The following MXD4 variants were observed in gnomAD, a reference collection of about 807,000 sequenced individuals.
MXD4 encodes the protein MAX dimerization protein 4.
A neutral mutation model predicts 24.5 loss-of-function variants in MXD4; 16 were observed. The observed-to-expected ratio is 0.65, with a 90% CI of 0.44 to 0.99. The LOEUF (loss-of-function observed/expected upper bound fraction) is 0.99, where lower values mean the gene tolerates loss of function less well. Among genes scored for constraint, MXD4 ranks in the 50% least tolerant of loss-of-function variants. The pLI is 0.00. For synonymous variants in MXD4, 164 were observed against 134.2 expected, an observed-to-expected ratio of 1.22 and a Z score of -1.54; for missense variants, 301 against 301.5, an observed-to-expected ratio of 1.00 and a Z score of 0.01.
intron 3 of MXD4, among the ~76,000 whole-genome samples, chr4:2,256,346 C>A (rs1422234301): frequency 6.6e-6 from 1 of 152,208 alleles, no homozygotes; most frequent in Non-Finnish European, 1.5e-5. Context: ...CTCAGAGCAC[C>A]CACAGGGGAA....
At chr4:2,257,111 G>A (rs762828543) in intron 3 of MXD4, among the ~76,000 whole-genome samples, 28 of 152,212 alleles carry the variant, frequency 1.8e-4, no homozygotes, top group Non-Finnish European at 3.2e-4. Context: ...CCCAGCCAGC[G>A]GCCTGAATCC....
In MXD4 at chr4:2,250,421, G is replaced by A; in HGVS notation, c.*123C>T. 3.2e-6 allele frequency: 4 copies of A among 1,269,824 alleles called. No individual in the cohort carries two copies. The highest frequency in any genetic ancestry group is 4.2e-6 in the Non-Finnish European group (4 of 949,338). 78.7% of individuals were successfully genotyped at this position (1,269,824 alleles called of 1,614,324 possible). A position where few individuals can be genotyped will look rare whatever the true frequency, so the allele number is the denominator to read the frequency against. Reference sequence around the variant, plus strand: ...GGCAGTGCCAGGCAGCCCAGCAGCAGCTGGAGCTTCCAGAATGGCACAGCA... The same window carrying A: ...GGCAGTGCCAGGCAGCCCAGCAGCAACTGGAGCTTCCAGAATGGCACAGCA... On this transcript the variant is annotated 3_prime_UTR_variant, in exon 6 of 6. Coordinates refer to ENST00000337190, the MANE Select transcript of MXD4 (RefSeq NM_006454.3).
intron 3 of MXD4, among the ~76,000 whole-genome samples, chr4:2,256,896 G>C (rs571987803): frequency 6.6e-6 from 1 of 151,218 alleles, no homozygotes; most frequent in African/African-American, 2.4e-5. Context: ...ACACCCCCAC[G>C]TGCCTGCCCC....
rs754570046 is a variant in MXD4 at position 2,257,207 on chromosome 4, G to C, written c.194+775C>G. The stretch of plus-strand genomic sequence containing the variant: ...CCGAGCACCAAATCTTTCTGGAGGG[G>C]ACTGTGGGGGGCTCAAGCAGCACGC... On this transcript the variant is annotated intron_variant, in intron 3 of 5. Coordinates refer to ENST00000337190, the MANE Select transcript of MXD4 (RefSeq NM_006454.3). 9.1e-4 allele frequency among the ~76,000 whole-genome samples: 139 copies of C among 152,220 alleles called. 2 individuals are homozygous for C. Among genetic ancestry groups the C allele is most frequent in the Admixed American group, 2.0e-4 (3 of 15,292 alleles).
chr4:2,262,040 C>A lies in MXD4; in HGVS notation c.-60G>T. On this transcript the variant is annotated 5_prime_UTR_variant, in exon 1 of 6. Coordinates refer to ENST00000337190, the MANE Select transcript of MXD4 (RefSeq NM_006454.3). ...GCGGCCGCTGCCCGGCCCGCTCCGG[C>A]CGGCTCCGCTCGCCGCCCACCCCGC... 2.1e-6 allele frequency: 2 copies of A among 958,428 alleles called. No homozygotes were observed. The highest frequency in any genetic ancestry group is 1.8e-5 in the African/African-American group (1 of 56,604). The allele number at this position is 958,428 out of a possible 1,614,324, so 59.4% of individuals were successfully genotyped here.
rs980945440 is a variant in MXD4 at position 2,247,942 on chromosome 4, C to T, written c.*2602G>A. On this transcript the variant is annotated 3_prime_UTR_variant, in exon 6 of 6. Transcript: ENST00000337190. The stretch of plus-strand genomic sequence containing the variant: ...ATGCGGGAGCTGCCTTCCAATAAGG[C>T]TGGGGAACCCAAGCCTGAGTCTGGG... 1 of 152,462 alleles carries T rather than the reference C, an allele frequency of 6.6e-6. No homozygotes were observed. The highest frequency in any genetic ancestry group is 6.5e-5 in the Admixed American group (1 of 15,292). 9.4% of individuals were successfully genotyped at this position (152,462 alleles called of 1,614,324 possible). A position where few individuals can be genotyped will look rare whatever the true frequency, so the allele number is the denominator to read the frequency against.
In MXD4 at chr4:2,261,738, C is replaced by T. The variant is rs1577826358; in HGVS notation, c.151G>A (p.Ala51Thr). 2 of 1,413,050 alleles carry T rather than the reference C, an allele frequency of 1.4e-6. No individual in the cohort carries two copies. Among genetic ancestry groups the T allele is most frequent in the Non-Finnish European group, 1.9e-6 (2 of 1,075,952 alleles). The allele number at this position is 1,413,050 out of a possible 1,614,324, so 87.5% of individuals were successfully genotyped here. Reference protein sequence around the residue: ...KTKAAGLVRKAPNNRSSHNEL... With the variant: ...KTKAAGLVRKTPNNRSSHNEL... Reference sequence around the variant, plus strand: ...GGGGGGCGGTACCTGTTGTTCGGGGCCTTGCGCACCAGGCCGGCCGCCTTT... The same window carrying T: ...GGGGGGCGGTACCTGTTGTTCGGGGTCTTGCGCACCAGGCCGGCCGCCTTT... Residue 51 changes from alanine (A) to threonine (T), a missense_variant, in exon 2 of 6, where the codon GCC becomes ACC. Coordinates refer to ENST00000337190, the MANE Select transcript of MXD4 (RefSeq NM_006454.3).
intron 2 of MXD4, among the ~76,000 whole-genome samples, chr4:2,259,854 C>A (rs996656501): frequency 1.1e-4 from 16 of 152,164 alleles, no homozygotes; most frequent in African/African-American, 3.4e-4. Flanking sequence ...CAGAATGGAC[C>A]CCCCTGCAGG....
chr4:2,252,344 C>G, intron 4 of MXD4, 64 bp downstream of exon 4: 3 of 1,366,806 alleles, frequency 2.2e-6, no homozygotes, highest in East Asian at 2.3e-5. Flanking sequence ...TGAGCACCCC[C>G]CCAGGGCGTG....
At chr4:2,255,769 AG>A in intron 3 of MXD4, among the ~76,000 whole-genome samples, 1 of 152,138 alleles carries the variant, frequency 6.6e-6, no homozygotes, top group Non-Finnish European at 1.5e-5. Flanking sequence ...TATCGACAGC[AG>A]CCCCACCTCT....
At position 2,261,836 on chromosome 4, in the gene MXD4, C is replaced by A; in HGVS notation, c.65-12G>T. On this transcript the variant is annotated splice_polypyrimidine_tract_variant and intron_variant, in intron 1 of 5. Coordinates refer to ENST00000337190, the MANE Select transcript of MXD4 (RefSeq NM_006454.3). ...GCCGTGCTCGGCCTCTGCGGACACA[C>A]GGCGCGGTCAGCGGCCCCCGCCCGG... 1 of 1,362,314 alleles carries A rather than the reference C, an allele frequency of 7.3e-7. No individual in the cohort carries two copies. 84.4% of individuals were successfully genotyped at this position (1,362,314 alleles called of 1,614,324 possible).
At chr4:2,256,948 C>T (rs1360239473) in intron 3 of MXD4, among the ~76,000 whole-genome samples, 2 of 152,184 alleles carry the variant, frequency 1.3e-5, no homozygotes, top group Non-Finnish European at 2.9e-5. Flanking sequence ...TCTTCTTAGG[C>T]CTGGAACAAT....
rs1735215262 is a variant in MXD4, at chr4:2,247,612, G to T, written c.*2932C>A. 6.6e-6 allele frequency: 1 copy of T among 152,224 alleles called. No individual in the cohort carries two copies. The highest frequency in any genetic ancestry group is 1.5e-5 in the Non-Finnish European group (1 of 68,040). 9.4% of individuals were successfully genotyped at this position (152,224 alleles called of 1,614,324 possible). A position where few individuals can be genotyped will look rare whatever the true frequency, so the allele number is the denominator to read the frequency against. ...TGCCCTAGTGCCCAACATGGACCTG[G>T]GGCCACCCTGCTGGCCGAGGGTCAG... is the stretch of plus-strand genomic sequence containing the variant. On this transcript the variant is annotated 3_prime_UTR_variant, in exon 6 of 6. Transcript: ENST00000337190.
intron 2 of MXD4, among the ~76,000 whole-genome samples, chr4:2,259,476 G>A (rs1472440569): frequency 1.3e-5 from 2 of 152,356 alleles, no homozygotes; most frequent in Non-Finnish European, 2.9e-5. Context: ...AGAATAGGCA[G>A]GCCGCAGGAA....
At chr4:2,259,945 G>A (rs960044860) in intron 2 of MXD4, among the ~76,000 whole-genome samples, 2 of 152,286 alleles carry the variant, frequency 1.3e-5, no homozygotes, top group South Asian at 2.1e-4. Flanking sequence ...CAGCCTCACT[G>A]TGCCATGTCC....
rs1458436925 is a variant in MXD4, at chr4:2,249,862, G to A, written c.*682C>T. 1 of 152,782 alleles carries A rather than the reference G, an allele frequency of 6.5e-6. No individual in the cohort carries two copies. Among genetic ancestry groups the A allele is most frequent in the Non-Finnish European group, 1.5e-5 (1 of 68,274 alleles). 9.5% of individuals were successfully genotyped at this position (152,782 alleles called of 1,614,324 possible). A position where few individuals can be genotyped will look rare whatever the true frequency, so the allele number is the denominator to read the frequency against. ...CATGTGTGAGCATGTACATGAGTGG[G>A]TGTGTCTAGGTGCGTGCGCGTGTGC... On this transcript the variant is annotated 3_prime_UTR_variant, in exon 6 of 6. Transcript: ENST00000337190.
intron 3 of MXD4, chr4:2,254,404 C>G (rs1735383484): frequency 6.6e-6 from 1 of 152,050 alleles, no homozygotes; most frequent in Admixed American, 6.5e-5. Flanking sequence ...AAACAAGGCA[C>G]AGGGAGCGTG....
At chr4:2,252,794 C>G in intron 3 of MXD4, 1 of 370,756 alleles carries the variant, frequency 2.7e-6, no homozygotes. Context: ...TTCCTAGGAG[C>G]CCCAGCTCGC....
At position 2,261,894 on chromosome 4, in the gene MXD4, G is replaced by C. The variant is rs770924825; in HGVS notation, c.64+23C>G. ...CCGCCGCCCGCCCACCGCCGCGGGC[G>C]CACAATGGGGTGCGAGCGCTACCTC... On this transcript the variant is annotated intron_variant, in intron 1 of 5. Transcript: ENST00000337190. 3.5e-6 allele frequency: 5 copies of C among 1,427,274 alleles called. No individual in the cohort carries two copies. In the African/African-American group the frequency reaches 4.5e-5, roughly 13 times the overall value. 88.4% of individuals were successfully genotyped at this position (1,427,274 alleles called of 1,614,324 possible). A position where few individuals can be genotyped will look rare whatever the true frequency, so the allele number is the denominator to read the frequency against.
Sources: gnomAD v4.1 joint callset for allele counts (sites outside exome capture counted in the v4.1 genomes callset) on GRCh38, gnomAD v4.1.1 for gene constraint, MANE v1.5 for transcripts, NCBI Gene and HGNC (gene_info 2026-07-23, HGNC 2026-07-21) for gene names.